The following PTPRD variants were observed in gnomAD, a reference collection of about 807,000 sequenced individuals.
PTPRD encodes protein tyrosine phosphatase receptor type D.
PTPRD carries 34 observed loss-of-function variants against 214.5 expected under a neutral mutation model. The observed-to-expected ratio is 0.16, with a 90% CI of 0.12 to 0.21. PTPRD has a LOEUF of 0.21. Ranked by LOEUF, PTPRD falls within the 10% of genes least tolerant of loss-of-function variation. The pLI, the probability that PTPRD is intolerant of heterozygous loss-of-function variation, is 1.00. For synonymous variants in PTPRD, 1,128 were observed against 845.7 expected (o/e 1.33, Z -5.79); for missense variants, 2,545 against 2,398.7 (o/e 1.06, Z -1.27).
chr9:9,572,982 C>G (rs1485486813), intron 8 of PTPRD, among the ~76,000 whole-genome samples: 1 of 151,538 alleles, frequency 6.6e-6, no homozygotes, highest in African/African-American at 2.4e-5. Context: ...TGTACTGAAG[C>G]AGAACATGAG....
At chr9:8,453,275 T>C (rs553332400) in intron 33 of PTPRD, among the ~76,000 whole-genome samples, 162 of 152,272 alleles carry the variant, frequency 1.1e-3, no homozygotes, top group African/African-American at 3.6e-3. Flanking sequence ...GCCATTCTCC[T>C]GCCTCAGCCT....
intron 37 of PTPRD, among the ~76,000 whole-genome samples, chr9:8,382,822 A>G (rs2085564326): frequency 6.6e-6 from 1 of 152,222 alleles, no homozygotes; most frequent in Non-Finnish European, 1.5e-5. Context: ...TAAGGAAAAA[A>G]GCAGTTTCTG....
intron 3 of PTPRD, among the ~76,000 whole-genome samples, chr9:10,089,870 T>G (rs1023196060): frequency 6.6e-6 from 1 of 151,660 alleles, no homozygotes; most frequent in African/African-American, 2.4e-5. Context: ...CACCTGACTG[T>G]GTGAGCTACT....
At chr9:9,501,130 A>G (rs948086292) in intron 8 of PTPRD, among the ~76,000 whole-genome samples, 3 of 152,056 alleles carry the variant, frequency 2.0e-5, no homozygotes, top group Admixed American at 6.6e-5. Flanking sequence ...ATAAAAAGCA[A>G]GGTAAAAACT....
intron 5 of PTPRD, among the ~76,000 whole-genome samples, chr9:9,822,382 G>A (rs1384103127): frequency 7.3e-5 from 11 of 150,390 alleles, no homozygotes; most frequent in Admixed American, 6.0e-4. Context: ...CTGCATTCCA[G>A]CCTGGTGACA....
chr9:9,848,948 T>G (rs1054650605), intron 5 of PTPRD, among the ~76,000 whole-genome samples: 18 of 151,990 alleles, frequency 1.2e-4, no homozygotes, highest in African/African-American at 4.3e-4. Flanking sequence ...ATAACATATT[T>G]ATTGAATAAT....
chr9:8,468,246 C>T (rs564019044), intron 31 of PTPRD, among the ~76,000 whole-genome samples: 6 of 152,078 alleles, frequency 3.9e-5, no homozygotes, highest in East Asian at 1.9e-4. Context: ...CTGTGTTACA[C>T]GTTAAATGGT....
intron 2 of PTPRD, among the ~76,000 whole-genome samples, chr9:10,357,614 C>T (rs962509682): frequency 6.6e-6 from 1 of 152,110 alleles, no homozygotes; most frequent in African/African-American, 2.4e-5. Context: ...TTATTATATC[C>T]TTTTGTGCTG....
intron 8 of PTPRD, among the ~76,000 whole-genome samples, chr9:9,406,414 T>C (rs899951184): frequency 2.0e-5 from 3 of 151,882 alleles, no homozygotes; most frequent in Non-Finnish European, 2.9e-5. Context: ...AGAAGAATAC[T>C]ACATGGTTGA....
At position 9,744,494 on chromosome 9, in the gene PTPRD, C is replaced by T. The variant is rs1056879379; in HGVS notation, c.-325-9923G>A. 2.6e-5 allele frequency among the ~76,000 whole-genome samples: 4 copies of T among 152,130 alleles called. No homozygotes were observed. In the East Asian group the frequency reaches 7.7e-4, roughly 29 times the overall value. On this transcript the variant is annotated intron_variant, in intron 6 of 45. Transcript: ENST00000381196. ...TTACAGAACTTACCTCAATTTAGTT[C>T]AAATATCTCTAATTTATATTTGCAT... is the stretch of plus-strand genomic sequence containing the variant.
intron 8 of PTPRD, among the ~76,000 whole-genome samples, chr9:9,410,116 G>A (rs537951090): frequency 8.1e-4 from 124 of 152,234 alleles, no homozygotes; most frequent in African/African-American, 2.9e-3. Flanking sequence ...ATAAATGCTA[G>A]ATGTCTTTAA....
At chr9:9,530,963 T>C (rs949760845) in intron 8 of PTPRD, among the ~76,000 whole-genome samples, 1 of 152,154 alleles carries the variant, frequency 6.6e-6, no homozygotes, top group Admixed American at 6.5e-5. Flanking sequence ...TTGTAAGTTT[T>C]AATGTCTGAT....
chr9:8,607,273 T>C (rs1270853537), intron 14 of PTPRD, among the ~76,000 whole-genome samples: 2 of 152,204 alleles, frequency 1.3e-5, no homozygotes, highest in Admixed American at 6.5e-5. Flanking sequence ...AAAAACATCA[T>C]GTACATGGTA....
chr9:10,177,943 A>G (rs2099259121), intron 3 of PTPRD, among the ~76,000 whole-genome samples: 1 of 151,950 alleles, frequency 6.6e-6, no homozygotes, highest in Non-Finnish European at 1.5e-5. Flanking sequence ...ATTGCAAACC[A>G]AAATGGGAGC....
chr9:8,527,067 C>T (rs942564904), intron 16 of PTPRD, among the ~76,000 whole-genome samples: 4 of 151,594 alleles, frequency 2.6e-5, no homozygotes, highest in African/African-American at 9.7e-5. Flanking sequence ...TGATAGGAAA[C>T]ACTAAAGACT....
At chr9:8,860,488 C>G (rs2098081886) in intron 11 of PTPRD, 1 of 152,144 alleles carries the variant, frequency 6.6e-6, no homozygotes. Context: ...ACTGGAGAGT[C>G]TGAGTTATTA....
At position 10,131,424 on chromosome 9, in the gene PTPRD, C is replaced by T. The variant is rs566140186; in HGVS notation, c.-544-97634G>A. 9.2e-5 allele frequency among the ~76,000 whole-genome samples: 14 copies of T among 152,224 alleles called. No individual in the cohort carries two copies. The South Asian group carries it at 2.5e-3, about 27-fold the overall frequency. The stretch of plus-strand genomic sequence containing the variant: ...CACATAAAGCCTGTATTGTCAAGTG[C>T]TTAACAAATATTGTTTATTATTTTC... On this transcript the variant is annotated intron_variant, in intron 3 of 45. Transcript: ENST00000381196.
chr9:8,816,715 C>T (rs1179624461), intron 11 of PTPRD, among the ~76,000 whole-genome samples: 1 of 152,156 alleles, frequency 6.6e-6, no homozygotes, highest in Non-Finnish European at 1.5e-5. Flanking sequence ...GAGAAATAGG[C>T]ACTCTTTCCA....
intron 11 of PTPRD, among the ~76,000 whole-genome samples, chr9:8,951,154 T>TGTGTGTGTGTGTGTGA (rs1162875064): frequency 1.3e-5 from 2 of 151,568 alleles, no homozygotes; most frequent in East Asian, 3.9e-4. Context: ...TGTGTGTGTG[T>TGTGTGTGTGTGTGTGA]GTGTAAGAGA....
Sources: allele counts gnomAD v4.1 joint callset (sites outside exome capture counted in the v4.1 genomes callset), GRCh38; gene constraint gnomAD v4.1.1; transcripts MANE v1.5; gene names NCBI Gene and HGNC (gene_info 2026-07-23, HGNC 2026-07-21).